The following ZBTB1 variants were observed in gnomAD, a reference collection of about 807,000 sequenced individuals.
ZBTB1 encodes the protein zinc finger and BTB domain containing 1, also known as zinc finger and BTB domain-containing protein 1.
Under a neutral mutation model 51.6 loss-of-function variants are expected in ZBTB1, and 13 were observed. The ratio of observed to expected loss-of-function variants is 0.25; its 90% CI spans 0.16 to 0.40. The LOEUF is 0.40. Among genes scored for constraint, ZBTB1 ranks in the 10% least tolerant of loss-of-function variants. The probability of loss-of-function intolerance (pLI) is 1.00; values close to 1 mark genes in which losing one functional copy is unlikely to be tolerated. For synonymous variants in ZBTB1, 240 were observed against 282.2 expected, an observed-to-expected ratio of 0.85 and a Z score of 1.50; for missense variants, 567 against 856.5, an observed-to-expected ratio of 0.66 and a Z score of 4.22.
chr14:64,531,145 A>C (rs1457062032), intron 2 of ZBTB1, among the ~76,000 whole-genome samples: 2 of 152,224 alleles, frequency 1.3e-5, no homozygotes, highest in African/African-American at 4.8e-5. Flanking sequence ...TGCTCATATC[A>C]AACACAATCA....
Position 64,523,336 on chromosome 14 carries a change from G to A in ZBTB1, c.1832G>A (p.Cys611Tyr), listed in dbSNP as rs527521192. The A allele has an allele frequency of 6.2e-7, 1 of 1,614,210 alleles. No homozygotes were observed. The highest frequency in any genetic ancestry group is 1.3e-5 in the African/African-American group (1 of 75,060). Residue 611 changes from cysteine to tyrosine, a missense_variant, in exon 2 of 2, where the codon TGT becomes TAT. Around this residue, in one of 5 missense-constraint regions of ZBTB1, gnomAD observed 69 missense variants for 171.8 expected, o/e 0.40. Transcript: ENST00000683701. The surrounding 1 kb of genome is among the most constrained non-coding windows in gnomAD (Gnocchi z 4.5). ...GAAAAACAGTTTGTTTGTCAAACATGTGGAAAGCAGTTTTTAAGAGAGCGT... is the reference window on the plus strand; with the variant it reads ...GAAAAACAGTTTGTTTGTCAAACATATGGAAAGCAGTTTTTAAGAGAGCGT... ...TKEKQFVCQT[C>Y]GKQFLRERQL...
intron 1 of ZBTB1, 85 bp downstream of exon 1, chr14:64,505,031 G>GGA (rs2079621144): frequency 2.6e-6 from 1 of 381,250 alleles, no homozygotes; most frequent in East Asian, 3.8e-5. Flanking sequence ...CGGAGTGCGG[G>GGA]GCCGGAGGGG....
Position 64,523,465 on chromosome 14 carries a change from T to C in ZBTB1, c.1961T>C (p.Ile654Thr). The change falls in exon 2 of 2, where the codon ATT becomes ACT. Residue 654 changes from isoleucine to threonine, a missense_variant. By Grantham distance (89) the Ile-to-Thr change is moderately conservative. Transcript: ENST00000683701. The surrounding 1 kb of genome is among the most constrained non-coding windows in gnomAD (Gnocchi z 4.5). ...FRKHDHVRHM[I>T]SHLSAGETIC... The stretch of plus-strand genomic sequence containing the variant: ...AAACATGACCATGTACGGCATATGA[T>C]TTCTCATTTATCTGCTGGTGAGACT... 1 of 1,614,170 alleles carries C rather than the reference T, an allele frequency of 6.2e-7. No individual in the cohort carries two copies. Among genetic ancestry groups the C allele is most frequent in the Non-Finnish European group, 8.5e-7 (1 of 1,179,980 alleles).
chr14:64,517,128 G>A (rs1218766336), intron 1 of ZBTB1, among the ~76,000 whole-genome samples: 1 of 152,128 alleles, frequency 6.6e-6, no homozygotes, highest in African/African-American at 2.4e-5. Flanking sequence ...GCTTAAATAA[G>A]CATCACCACC....
chr14:64,525,508 A>C (rs1415650687), downstream of ZBTB1, among the ~76,000 whole-genome samples: 1 of 152,198 alleles, frequency 6.6e-6, no homozygotes, highest in Non-Finnish European at 1.5e-5. Context: ...AGATCAGATA[A>C]ACCAAGTTTC....
At chr14:64,506,180 A>C (rs998110756) in intron 1 of ZBTB1, among the ~76,000 whole-genome samples, 1 of 152,238 alleles carries the variant, frequency 6.6e-6, no homozygotes, top group African/African-American at 2.4e-5. Context: ...TATCTAATAA[A>C]GTCTCAATAA....
At chr14:64,521,329 A>T (rs184767590) in intron 1 of ZBTB1, among the ~76,000 whole-genome samples, 158 bp from the exon 2 acceptor site, 6 of 152,388 alleles carry the variant, frequency 3.9e-5, no homozygotes, top group Middle Eastern at 3.4e-3. Context: ...AAATTTAAAA[A>T]ATGATTCAAG....
chr14:64,526,220 T>C (rs2079902972), downstream of ZBTB1, among the ~76,000 whole-genome samples: 1 of 152,174 alleles, frequency 6.6e-6, no homozygotes. Flanking sequence ...GAATGTACAA[T>C]TCTTATCAAG....
chr14:64,512,271 C>G (rs925262823), intron 1 of ZBTB1, among the ~76,000 whole-genome samples: 9 of 152,164 alleles, frequency 5.9e-5, no homozygotes, highest in Admixed American at 5.9e-4. Flanking sequence ...TGTATTCAAA[C>G]AAACAGTATA....
Position 64,521,899 on chromosome 14 carries a change from G to A in ZBTB1, c.395G>A (p.Ser132Asn). The change falls in exon 2 of 2, where the codon AGC (serine) becomes AAC (asparagine). Residue 132 changes from serine (S) to asparagine (N), a missense_variant. Around this residue, in one of 5 missense-constraint regions of ZBTB1, gnomAD observed 74 missense variants for 74.9 expected, o/e 0.99. Transcript: ENST00000683701. ...SSSKCSSSASSKQNSKMIFGV... is the reference protein window; with the variant it reads ...SSSKCSSSASNKQNSKMIFGV... ...TCAAAATGTTCCTCTTCTGCTTCCA[G>A]CAAACAGAACAGCAAAATGATATTT... The A allele has an allele frequency of 6.2e-7, 1 of 1,613,986 alleles. No individual in the cohort carries two copies. Among genetic ancestry groups the A allele is most frequent in the Non-Finnish European group, 8.5e-7 (1 of 1,180,038 alleles).
chr14:64,517,781 A>ATATTTTTTTTTTTT (rs1160337478), intron 1 of ZBTB1, among the ~76,000 whole-genome samples: 3 of 41,562 alleles, frequency 7.2e-5, no homozygotes, highest in Non-Finnish European at 1.4e-4. Flanking sequence ...ATATATATAT[A>ATATTTTTTTTTTTT]TTTTTTTTTT....
At chr14:64,515,994 A>T (rs1337177601) in intron 1 of ZBTB1, among the ~76,000 whole-genome samples, 1 of 152,122 alleles carries the variant, frequency 6.6e-6, no homozygotes, top group African/African-American at 2.4e-5. Flanking sequence ...GCACTTTGGG[A>T]GGCTGAGGTG....
Position 64,515,599 on chromosome 14 carries a change from T to G in ZBTB1, c.-18-5888T>G, listed in dbSNP as rs575941610. ...GCAGTGGCACAGTCTTGGCTCACTG[T>G]AAGCTCCGCCTCCCGAGTTCCCGCC... On this transcript the variant is annotated intron_variant, in intron 1 of 1. Transcript: ENST00000683701. 5.3e-5 allele frequency among the ~76,000 whole-genome samples: 8 copies of G among 151,438 alleles called. No individual in the cohort carries two copies. The East Asian group carries it at 1.6e-3, about 30-fold the overall frequency.
rs138017870 is a variant in ZBTB1 at position 64,522,676 on chromosome 14, G to A, written c.1172G>A (p.Arg391Gln). 2.2e-5 allele frequency: 35 copies of A among 1,614,120 alleles called. No homozygotes were observed. The African/African-American group carries it at 3.6e-4, about 17-fold the overall frequency. Residue 391 changes from arginine (R) to glutamine (Q), a missense_variant, in exon 2 of 2, where the codon CGA (arginine) becomes CAA (glutamine). This residue lies in a region of ZBTB1 where 329 missense variants were observed against 406.3 expected (regional missense o/e 0.81). Transcript: ENST00000683701. The part of the protein sequence containing the change: ...KKSGRKTLKP[R>Q]MSVSADERGG... ...AGTGGTAGGAAAACTCTAAAACCTC[G>A]AATGTCAGTAAGTGCTGATGAAAGA...
At chr14:64,504,459 C>CAGG (rs1048713952), upstream of ZBTB1, 13 of 154,726 alleles carry the variant, frequency 8.4e-5, no homozygotes, top group Admixed American at 5.9e-4. Flanking sequence ...GCTGTGCAAA[C>CAGG]AGGAGGAGGA....
rs1566635290 is a variant in ZBTB1 at position 64,522,221 on chromosome 14, T to A, written c.717T>A (p.Thr239=). Residue 239 remains threonine (T), a synonymous_variant, in exon 2 of 2, where the codon ACT becomes ACA. Transcript: ENST00000683701. ...TAGATGAGCATGTGCTAACCTGTAC[T>A]AACAGACATTTATACCAAAACACAA... ...KLLDEHVLTC[T]NRHLYQNTRS... is the part of the protein sequence containing the mutation. 3.1e-6 allele frequency: 5 copies of A among 1,614,228 alleles called. No individual in the cohort carries two copies. Among genetic ancestry groups the A allele is most frequent in the Non-Finnish European group, 4.2e-6 (5 of 1,180,030 alleles).
chr14:64,521,011 C>A (rs2079854876), intron 1 of ZBTB1, among the ~76,000 whole-genome samples: 2 of 152,024 alleles, frequency 1.3e-5, no homozygotes, highest in African/African-American at 2.4e-5. Context: ...ACAGGTGATG[C>A]CACCACACCT....
Position 64,524,369 on chromosome 14 carries a change from G to A in ZBTB1, c.*723G>A. The A allele has an allele frequency of 1.1e-6, 1 of 880,656 alleles. No homozygotes were observed. Among genetic ancestry groups the A allele is most frequent in the Non-Finnish European group, 1.4e-6 (1 of 734,740 alleles). The allele number at this position is 880,656 out of a possible 1,614,324, so 54.6% of individuals were successfully genotyped here. On this transcript the variant is annotated 3_prime_UTR_variant, in exon 2 of 2. Transcript: ENST00000683701. ...TCACTTGAAAAATTAGTGGGGATAA[G>A]CCATTTTGTTTTGTGATATTAAATT...
downstream of ZBTB1, among the ~76,000 whole-genome samples, chr14:64,528,344 C>CTTTTTTTTTTTTTTTTT (rs71123857): frequency 8.7e-6 from 1 of 115,534 alleles, no homozygotes. Context: ...TTTTTCTTTT[C>CTTTTTTTTTTTTTTTTT]TTTTTTTTTT....
Sources: allele counts gnomAD v4.1 joint callset (sites outside exome capture counted in the v4.1 genomes callset), GRCh38; gene constraint gnomAD v4.1.1; regional missense constraint gnomAD v4.1.1; non-coding constraint Gnocchi (gnomAD v3.1); transcripts MANE v1.5; gene names NCBI Gene and HGNC (gene_info 2026-07-23, HGNC 2026-07-21).